Variants in PPP1R9A observed in about 807,000 individuals in gnomAD.
PPP1R9A encodes neurabin-1.
In PPP1R9A, 59 loss-of-function variants were observed where a neutral mutation model predicts 141.9. The ratio of observed to expected loss-of-function variants is 0.42; its 90% CI spans 0.34 to 0.52. The LOEUF is 0.52. Among genes scored for constraint, PPP1R9A ranks in the 20% least tolerant of loss-of-function variants. The pLI, the probability that PPP1R9A is intolerant of heterozygous loss-of-function variation, is 0.10. For missense variants in PPP1R9A, 1,444 were observed against 1,611.9 expected, an observed-to-expected ratio of 0.90 and a Z score of 1.78; for synonymous variants, 500 against 569.7, an observed-to-expected ratio of 0.88 and a Z score of 1.74.
At chr7:95,183,268 G>T (rs1450018789) in intron 5 of PPP1R9A, among the ~76,000 whole-genome samples, 2 of 151,468 alleles carry the variant, frequency 1.3e-5, no homozygotes, top group Non-Finnish European at 2.9e-5. Context: ...CTCCCAAGTA[G>T]CTGGGATTAC....
chr7:95,106,203 A>G (rs1819491957), intron 2 of PPP1R9A, among the ~76,000 whole-genome samples: 1 of 152,206 alleles, frequency 6.6e-6, no homozygotes, highest in Admixed American at 6.5e-5. Flanking sequence ...CTCTCCCCTC[A>G]TTGAACCAAG....
chr7:95,179,242 A>G (rs1038491801), intron 5 of PPP1R9A, among the ~76,000 whole-genome samples: 1 of 152,124 alleles, frequency 6.6e-6, no homozygotes, highest in Non-Finnish European at 1.5e-5. Context: ...TAGATGTGAT[A>G]CACTACATAA....
At chr7:95,034,653 G>T (rs79087201) in intron 2 of PPP1R9A, among the ~76,000 whole-genome samples, 1 of 152,010 alleles carries the variant, frequency 6.6e-6, no homozygotes, top group Admixed American at 6.6e-5. Flanking sequence ...ACACCCGGTC[G>T]TATTTTGTCC....
chr7:95,220,851 C>T (rs1794320937), intron 7 of PPP1R9A, among the ~76,000 whole-genome samples: 1 of 151,998 alleles, frequency 6.6e-6, no homozygotes, highest in South Asian at 2.1e-4. Flanking sequence ...CTCATGTACA[C>T]GGTTATTCAT....
intron 5 of PPP1R9A, among the ~76,000 whole-genome samples, chr7:95,193,926 GACA>G (rs1252753090): frequency 1.1e-4 from 17 of 151,968 alleles, no homozygotes; most frequent in African/African-American, 2.4e-5. Context: ...TAAAAGATCT[GACA>G]ACAACATTCT....
intron 4 of PPP1R9A, among the ~76,000 whole-genome samples, chr7:95,139,811 A>T (rs1279521586): frequency 7.4e-6 from 1 of 134,576 alleles, no homozygotes. Context: ...GCAAAACATT[A>T]AAAAAAAAAA....
chr7:95,035,674 A>T (rs957307923), intron 2 of PPP1R9A: 6 of 152,184 alleles, frequency 3.9e-5, no homozygotes, highest in Non-Finnish European at 8.8e-5. Flanking sequence ...TGGAGGAAAA[A>T]GAATCAAACA....
In PPP1R9A at chr7:95,295,856, T is replaced by C. The variant is rs1807034492; in HGVS notation, c.*5553T>C. The C allele has an allele frequency of 6.5e-6, 1 of 152,684 alleles. No individual in the cohort carries two copies. The allele number at this position is 152,684 out of a possible 1,614,324, so 9.5% of individuals were successfully genotyped here. On this transcript the variant is annotated 3_prime_UTR_variant, in exon 20 of 20. Coordinates refer to ENST00000433360, the MANE Select transcript of PPP1R9A (RefSeq NM_001166160.2). ...CTTAGTGAAATTCCTTAAATATATA[T>C]GTATATGTTTTCTTCAACATTATTT...
chr7:95,214,399 C>T (rs1300041016), intron 7 of PPP1R9A: 2 of 152,236 alleles, frequency 1.3e-5, no homozygotes, highest in African/African-American at 4.8e-5. Context: ...GGCTGTTGGC[C>T]AGAAACATCA....
At chr7:94,979,690 C>T (rs554413206) in intron 2 of PPP1R9A, among the ~76,000 whole-genome samples, 4 of 152,252 alleles carry the variant, frequency 2.6e-5, no homozygotes, top group South Asian at 2.1e-4. Context: ...AGGGGAAACA[C>T]CAAATTCTGT....
intron 2 of PPP1R9A, among the ~76,000 whole-genome samples, chr7:94,937,094 T>C (rs1201038261): frequency 6.6e-6 from 1 of 152,170 alleles, no homozygotes; most frequent in Non-Finnish European, 1.5e-5. Context: ...CCTTTCTTTA[T>C]TGATGGATAT....
chr7:95,147,464 C>T (rs1247712766), intron 4 of PPP1R9A, among the ~76,000 whole-genome samples: 6 of 152,158 alleles, frequency 3.9e-5, no homozygotes, highest in African/African-American at 1.4e-4. Flanking sequence ...GACTTCCTCT[C>T]TTCCTATTTG....
intron 8 of PPP1R9A, among the ~76,000 whole-genome samples, chr7:95,228,711 T>C (rs1223860502): frequency 6.6e-6 from 1 of 152,208 alleles, no homozygotes; most frequent in African/African-American, 2.4e-5. Flanking sequence ...CGCTGCATTT[T>C]TTGTTGTAAT....
chr7:95,188,598 TTG>T lies in PPP1R9A; in HGVS notation c.1755-9749_1755-9748del, dbSNP rs1354248794. Among the ~76,000 whole-genome samples, 329 of 116,168 alleles carry T rather than the reference TTG, an allele frequency of 2.8e-3. 2 individuals carry two copies. In the East Asian group the frequency reaches 0.029, roughly 10 times the overall value. The allele number at this position is 116,168 out of a possible 152,430, so 76.2% of individuals were successfully genotyped here. Reference sequence around the variant, plus strand: ...TGTGTGTGTGTGTCTGTGTTGTGTTTTGTTTTTTTTTTTTTTTTGAGACAGAA... The same window carrying T: ...TGTGTGTGTGTGTCTGTGTTGTGTTTTTTTTTTTTTTTTTTTGAGACAGAA... On this transcript the variant is annotated intron_variant, in intron 5 of 19. Coordinates refer to ENST00000433360, the MANE Select transcript of PPP1R9A (RefSeq NM_001166160.2).
chr7:95,151,941 C>CTTTTTTTTTTTTTTTTTTTTTTT (rs1167382285), intron 4 of PPP1R9A, among the ~76,000 whole-genome samples: 1 of 54,448 alleles, frequency 1.8e-5, no homozygotes, highest in Admixed American at 3.0e-4. Context: ...TACTGAGAAT[C>CTTTTTTTTTTTTTTTTTTTTTTT]TTTTTTTTTT....
intron 2 of PPP1R9A, among the ~76,000 whole-genome samples, chr7:94,951,218 T>C (rs1475511725): frequency 6.6e-6 from 1 of 152,094 alleles, no homozygotes; most frequent in Non-Finnish European, 1.5e-5. Context: ...AAAATGCTTA[T>C]ACTTTTGTTT....
intron 2 of PPP1R9A, among the ~76,000 whole-genome samples, chr7:95,021,894 T>G (rs1806020302): frequency 6.6e-6 from 1 of 152,024 alleles, no homozygotes; most frequent in Non-Finnish European, 1.5e-5. Context: ...AGTTTGAAGT[T>G]AGGTAGCGTG....
chr7:95,225,951 T>A lies in PPP1R9A; in HGVS notation c.1957-10T>A, dbSNP rs746996871. On this transcript the variant is annotated splice_polypyrimidine_tract_variant and intron_variant, in intron 7 of 19. Coordinates refer to ENST00000433360, the MANE Select transcript of PPP1R9A (RefSeq NM_001166160.2). ...GGACAGCTGGATTTCTGAAATCCCC[T>A]TCCTTTCAGACAGGAGAATATGCCA... 1.3e-6 allele frequency: 2 copies of A among 1,590,604 alleles called. No homozygotes were observed. The highest frequency in any genetic ancestry group is 4.5e-5 in the East Asian group (2 of 44,286).
chr7:95,114,739 A>G (rs978512786), intron 3 of PPP1R9A, among the ~76,000 whole-genome samples: 1 of 152,106 alleles, frequency 6.6e-6, no homozygotes, highest in Non-Finnish European at 1.5e-5. Flanking sequence ...TAAAAGAAAA[A>G]GTTTTATCCT....
Sources: gnomAD v4.1 joint callset for allele counts (sites outside exome capture counted in the v4.1 genomes callset) on GRCh38, gnomAD v4.1.1 for gene constraint, MANE v1.5 for transcripts, NCBI Gene and HGNC (gene_info 2026-07-23, HGNC 2026-07-21) for gene names.